The following XKR6 variants were observed in gnomAD, a reference collection of about 807,000 sequenced individuals.
The protein encoded by XKR6 is XK related 6, also known as XK-related protein 6.
A neutral mutation model predicts 56.7 loss-of-function variants in XKR6; 22 were observed. The observed-to-expected ratio is 0.39, with a 90% CI of 0.28 to 0.55. The LOEUF (loss-of-function observed/expected upper bound fraction) is 0.55, where lower values mean the gene tolerates loss of function less well. XKR6 is among the 20% of genes least tolerant of loss of function. The pLI is 0.66. For synonymous variants in XKR6, 524 were observed against 387.8 expected (o/e 1.35, Z -4.13); for missense variants, 852 against 889.0 (o/e 0.96, Z 0.53).
intron 1 of XKR6, among the ~76,000 whole-genome samples, chr8:11,037,857 CAAAA>C (rs61377795): frequency 3.0e-5 from 3 of 100,732 alleles, no homozygotes; most frequent in African/African-American, 3.3e-5. Context: ...GACTTGGTTT[CAAAA>C]AAAAAAAAAA....
rs142108577 is a variant in XKR6, at chr8:11,139,906, T to C, written c.764+60670A>G. ...GACAAGGAAAGCACACTGAAGAAAA[T>C]ACAATTCAAACTGAGCTAAAGTATG... is the stretch of plus-strand genomic sequence containing the variant. On this transcript the variant is annotated intron_variant, in intron 1 of 2. Coordinates refer to ENST00000416569, the MANE Select transcript of XKR6 (RefSeq NM_173683.4). Among the ~76,000 whole-genome samples the C allele has an allele frequency of 7.2e-5, 11 of 151,822 alleles. No homozygotes were observed. In the East Asian group the frequency reaches 1.7e-3, roughly 24 times the overall value.
chr8:11,083,531 G>C (rs928417405), intron 1 of XKR6, among the ~76,000 whole-genome samples: 5 of 152,142 alleles, frequency 3.3e-5, no homozygotes, highest in African/African-American at 7.2e-5. Flanking sequence ...CCCGCTTCAA[G>C]TTTTGCATTT....
intron 1 of XKR6, among the ~76,000 whole-genome samples, chr8:11,164,412 C>T (rs531372915): frequency 3.3e-5 from 5 of 152,304 alleles, no homozygotes; most frequent in African/African-American, 9.6e-5. Flanking sequence ...TCAGTTTCAT[C>T]GCCCCTGCAT....
At chr8:11,101,105 T>A (rs1326752562) in intron 1 of XKR6, among the ~76,000 whole-genome samples, 1 of 152,236 alleles carries the variant, frequency 6.6e-6, no homozygotes, top group Non-Finnish European at 1.5e-5. Flanking sequence ...GGGTAGTATT[T>A]GCAGTACAGA....
chr8:10,975,913 G>T (rs566429991), intron 1 of XKR6, among the ~76,000 whole-genome samples: 1 of 152,194 alleles, frequency 6.6e-6, no homozygotes, highest in Non-Finnish European at 1.5e-5. Flanking sequence ...AGTGGCTCAC[G>T]CCTGTAATCC....
intron 1 of XKR6, among the ~76,000 whole-genome samples, chr8:11,159,800 G>T (rs905884103): frequency 1.3e-5 from 2 of 152,208 alleles, no homozygotes; most frequent in African/African-American, 2.4e-5. Flanking sequence ...GCAACTTCTA[G>T]AAATTTTGCT....
Position 10,897,150 on chromosome 8 carries a change from G to A in XKR6, c.*802C>T, listed in dbSNP as rs928430008. ...CAAATGCTAAAATGGCACATAATCA[G>A]CCTTCAAGTAGCTTCTCCAGCCATT... On this transcript the variant is annotated 3_prime_UTR_variant, in exon 3 of 3. Transcript: ENST00000416569. 5 of 152,584 alleles carry A rather than the reference G, an allele frequency of 3.3e-5. No homozygotes were observed. The highest frequency in any genetic ancestry group is 7.3e-5 in the Non-Finnish European group (5 of 68,032). 9.5% of individuals were successfully genotyped at this position (152,584 alleles called of 1,614,324 possible).
At chr8:11,085,797 C>G (rs549303058) in intron 1 of XKR6, among the ~76,000 whole-genome samples, 1 of 152,296 alleles carries the variant, frequency 6.6e-6, no homozygotes, top group South Asian at 2.1e-4. Flanking sequence ...TCCCCTTCCT[C>G]CTCATACCCC....
At chr8:10,980,809 T>C (rs1447846128) in intron 1 of XKR6, among the ~76,000 whole-genome samples, 1 of 152,198 alleles carries the variant, frequency 6.6e-6, no homozygotes, top group African/African-American at 2.4e-5. Flanking sequence ...ACAATATCTA[T>C]TCCTGTTGCA....
Position 11,171,449 on chromosome 8 carries a change from G to C in XKR6, c.764+29127C>G, listed in dbSNP as rs530504376. On this transcript the variant is annotated intron_variant, in intron 1 of 2. Transcript: ENST00000416569. ...ATCTCATGTTGAAATTTCATCTCCAGTACTGGGGCCTGACAGGAGGTGTTT... is the reference window on the plus strand; with the variant it reads ...ATCTCATGTTGAAATTTCATCTCCACTACTGGGGCCTGACAGGAGGTGTTT... 5.0e-4 allele frequency among the ~76,000 whole-genome samples: 76 copies of C among 152,336 alleles called. 1 individual carries two copies. Among genetic ancestry groups the C allele is most frequent in the African/African-American group, 1.7e-3 (72 of 41,570 alleles).
intron 1 of XKR6, among the ~76,000 whole-genome samples, chr8:11,118,693 C>T (rs1352089173): frequency 2.0e-5 from 3 of 152,054 alleles, no homozygotes; most frequent in Non-Finnish European, 4.4e-5. Context: ...TTTGATTCTT[C>T]TCTCTTTTCT....
At chr8:11,007,761 G>A (rs1284179730) in intron 1 of XKR6, among the ~76,000 whole-genome samples, 1 of 152,194 alleles carries the variant, frequency 6.6e-6, no homozygotes, top group Non-Finnish European at 1.5e-5. Context: ...GAGGCAGCAG[G>A]GCAAGGTGCC....
At chr8:10,967,323 G>A (rs562649015) in intron 1 of XKR6, among the ~76,000 whole-genome samples, 3 of 152,302 alleles carry the variant, frequency 2.0e-5, no homozygotes, top group African/African-American at 7.2e-5. Context: ...CACTGTAGGG[G>A]CGTGATAAGC....
At chr8:10,971,370 A>T (rs190188031) in intron 1 of XKR6, among the ~76,000 whole-genome samples, 1 of 152,034 alleles carries the variant, frequency 6.6e-6, no homozygotes, top group Non-Finnish European at 1.5e-5. Context: ...GCAGTGAGCC[A>T]AGATCGCACC....
At chr8:10,919,129 C>A (rs77544404) in intron 2 of XKR6, among the ~76,000 whole-genome samples, 1 of 152,144 alleles carries the variant, frequency 6.6e-6, no homozygotes, top group African/African-American at 2.4e-5. Flanking sequence ...CTCTCTCACC[C>A]CAACTGCCAA....
At chr8:10,979,338 G>A (rs1797672253) in intron 1 of XKR6, among the ~76,000 whole-genome samples, 1 of 151,922 alleles carries the variant, frequency 6.6e-6, no homozygotes, top group African/African-American at 2.4e-5. Flanking sequence ...GCAGAAAAAT[G>A]AGGAAGCAAG....
At chr8:11,134,222 C>A (rs1022236415) in intron 1 of XKR6, among the ~76,000 whole-genome samples, 1 of 152,196 alleles carries the variant, frequency 6.6e-6, no homozygotes, top group Admixed American at 6.5e-5. Context: ...TCTCCCACCT[C>A]TTTCATAGCA....
At chr8:11,122,917 A>G (rs947209696) in intron 1 of XKR6, among the ~76,000 whole-genome samples, 26 of 152,328 alleles carry the variant, frequency 1.7e-4, no homozygotes, top group Middle Eastern at 6.8e-3. Flanking sequence ...CACTAACACA[A>G]TAAGTTAAAA....
chr8:11,000,983 C>G (rs1006265402), intron 1 of XKR6, among the ~76,000 whole-genome samples: 8 of 152,194 alleles, frequency 5.3e-5, no homozygotes, highest in South Asian at 4.2e-4. Context: ...TCCCCTGCCC[C>G]CTTCCTCTGA....
Sources: gnomAD v4.1 joint callset for allele counts (sites outside exome capture counted in the v4.1 genomes callset) on GRCh38, gnomAD v4.1.1 for gene constraint, MANE v1.5 for transcripts, NCBI Gene and HGNC (gene_info 2026-07-23, HGNC 2026-07-21) for gene names.